Variants in ST6GALNAC3 observed in about 807,000 individuals in gnomAD.
The protein encoded by ST6GALNAC3 is ST6 N-acetylgalactosaminide alpha-2,6-sialyltransferase 3.
ST6GALNAC3 carries 25 observed loss-of-function variants against 32.7 expected under a neutral mutation model. The observed-to-expected ratio is 0.76, with a 90% CI of 0.56 to 1.07. ST6GALNAC3 has a LOEUF of 1.07. Among genes scored for constraint, ST6GALNAC3 ranks in the 50% least tolerant of loss-of-function variants. ST6GALNAC3 has a pLI of 0.00. For synonymous variants in ST6GALNAC3, 129 were observed against 133.1 expected (o/e 0.97, Z 0.21); for missense variants, 355 against 382.4 (o/e 0.93, Z 0.60).
intron 1 of ST6GALNAC3, among the ~76,000 whole-genome samples, chr1:76,299,554 T>C (rs929068735): frequency 6.6e-6 from 1 of 152,014 alleles, no homozygotes; most frequent in Non-Finnish European, 1.5e-5. Context: ...AGAGAAATTC[T>C]TCCCAAAGCT....
chr1:76,151,192 A>C (rs1191206486), intron 1 of ST6GALNAC3, among the ~76,000 whole-genome samples: 1 of 152,128 alleles, frequency 6.6e-6, no homozygotes, highest in Non-Finnish European at 1.5e-5. Context: ...GGTGGTTCCT[A>C]GGTGAGAATC....
intron 1 of ST6GALNAC3, among the ~76,000 whole-genome samples, chr1:76,162,845 A>G (rs866794063): frequency 2.6e-4 from 40 of 152,352 alleles, no homozygotes; most frequent in Middle Eastern, 3.4e-3. Flanking sequence ...CTTGAATACC[A>G]TACAGGATGT....
Position 76,169,057 on chromosome 1 carries a change from A to G in ST6GALNAC3, c.18+94173A>G, listed in dbSNP as rs1034392363. ...GATTGTTTTATAGTGTGACTGGTCT[A>G]TGTACCTCAGTGTGTTTTTGTAGTG... is the stretch of plus-strand genomic sequence containing the variant. On this transcript the variant is annotated intron_variant, in intron 1 of 4. Transcript: ENST00000328299. Among the ~76,000 whole-genome samples, 9 of 152,204 alleles carry G rather than the reference A, an allele frequency of 5.9e-5. No homozygotes were observed. The East Asian group carries it at 1.4e-3, about 23-fold the overall frequency.
At chr1:76,613,288 A>G (rs958229548) in intron 3 of ST6GALNAC3, among the ~76,000 whole-genome samples, 9 of 152,228 alleles carry the variant, frequency 5.9e-5, no homozygotes, top group African/African-American at 2.2e-4. Flanking sequence ...CCAATAAATT[A>G]CAGAAACACT....
intron 2 of ST6GALNAC3, among the ~76,000 whole-genome samples, chr1:76,346,206 C>T (rs1005136493): frequency 6.6e-6 from 1 of 152,134 alleles, no homozygotes; most frequent in African/African-American, 2.4e-5. Flanking sequence ...ACTTACGCCT[C>T]GAAGGTGGAT....
chr1:76,095,601 G>A (rs1163587766), intron 1 of ST6GALNAC3, among the ~76,000 whole-genome samples: 4 of 152,174 alleles, frequency 2.6e-5, no homozygotes, highest in Non-Finnish European at 1.5e-5. Flanking sequence ...AGGCAAAGCT[G>A]CCTACTTGTA....
chr1:76,260,973 TACACACACACACAC>T (rs59946768), intron 1 of ST6GALNAC3, among the ~76,000 whole-genome samples: 3 of 146,198 alleles, frequency 2.1e-5, no homozygotes, highest in South Asian at 2.3e-4. Flanking sequence ...GAGGTTTTGA[TACACACACACACAC>T]ACACACACAC....
At chr1:76,328,656 C>T (rs1424541813) in intron 2 of ST6GALNAC3, among the ~76,000 whole-genome samples, 1 of 152,128 alleles carries the variant, frequency 6.6e-6, no homozygotes, top group East Asian at 1.9e-4. Flanking sequence ...GTATTCAGTA[C>T]AGACTTTCAG....
At chr1:76,406,012 C>T (rs189763898) in intron 2 of ST6GALNAC3, among the ~76,000 whole-genome samples, 2 of 152,136 alleles carry the variant, frequency 1.3e-5, no homozygotes, top group African/African-American at 4.8e-5. Context: ...TCTGTACTTA[C>T]ATTCTTCAGT....
chr1:76,501,326 T>C (rs1661163381), intron 3 of ST6GALNAC3, among the ~76,000 whole-genome samples: 2 of 152,198 alleles, frequency 1.3e-5, no homozygotes, highest in South Asian at 4.1e-4. Flanking sequence ...CTCTGTAATT[T>C]GTAAATCCTG....
chr1:76,325,369 G>A (rs1557788354), intron 2 of ST6GALNAC3, among the ~76,000 whole-genome samples: 1 of 152,106 alleles, frequency 6.6e-6, no homozygotes, highest in Non-Finnish European at 1.5e-5. Context: ...CCCAGGAACA[G>A]CTGTGCAAGT....
intron 2 of ST6GALNAC3, among the ~76,000 whole-genome samples, chr1:76,371,846 C>T (rs908672185): frequency 6.6e-6 from 1 of 152,122 alleles, no homozygotes; most frequent in Non-Finnish European, 1.5e-5. Context: ...AATTACAGGG[C>T]TCACAAGGAT....
intron 2 of ST6GALNAC3, among the ~76,000 whole-genome samples, chr1:76,350,661 A>C (rs2101020434): frequency 6.6e-6 from 1 of 152,320 alleles, no homozygotes; most frequent in African/African-American, 2.4e-5. Context: ...TTCTGGCTTC[A>C]TAGATAAGCC....
At chr1:76,484,669 C>G (rs1332709859) in intron 3 of ST6GALNAC3, among the ~76,000 whole-genome samples, 1 of 152,150 alleles carries the variant, frequency 6.6e-6, no homozygotes, top group Non-Finnish European at 1.5e-5. Context: ...CATCTGCAAA[C>G]AGGGACAATT....
At chr1:76,110,989 A>C (rs779383499) in intron 1 of ST6GALNAC3, among the ~76,000 whole-genome samples, 13 of 152,190 alleles carry the variant, frequency 8.5e-5, no homozygotes, top group Non-Finnish European at 1.3e-4. Flanking sequence ...AGAAGAGACA[A>C]GAGAGGAAAG....
At chr1:76,320,486 C>T (rs886253453) in intron 2 of ST6GALNAC3, among the ~76,000 whole-genome samples, 1 of 152,102 alleles carries the variant, frequency 6.6e-6, no homozygotes, top group East Asian at 1.9e-4. Flanking sequence ...ATGCTTCTCT[C>T]TGTGTACCCC....
intron 3 of ST6GALNAC3, among the ~76,000 whole-genome samples, chr1:76,563,109 A>T (rs1665341544): frequency 6.6e-6 from 1 of 152,196 alleles, no homozygotes; most frequent in Non-Finnish European, 1.5e-5. Context: ...TTTTTCACTT[A>T]AGATTCCCCT....
At chr1:76,352,440 G>T (rs1466917736) in intron 2 of ST6GALNAC3, among the ~76,000 whole-genome samples, 1 of 147,796 alleles carries the variant, frequency 6.8e-6, no homozygotes, top group African/African-American at 2.5e-5. Context: ...TCAGAACTGT[G>T]CCTGTCCCTC....
intron 2 of ST6GALNAC3, among the ~76,000 whole-genome samples, chr1:76,387,369 G>C (rs1424537562): frequency 6.6e-6 from 1 of 151,960 alleles, no homozygotes; most frequent in African/African-American, 2.4e-5. Flanking sequence ...CCAAATGAAG[G>C]GATGATGTCC....
Sources: gnomAD v4.1 joint callset for allele counts (sites outside exome capture counted in the v4.1 genomes callset) on GRCh38, gnomAD v4.1.1 for gene constraint, MANE v1.5 for transcripts, NCBI Gene and HGNC (gene_info 2026-07-23, HGNC 2026-07-21) for gene names.